KCNAB1: variants seen among roughly 807,000 people sequenced by gnomAD.
KCNAB1 encodes the protein voltage-gated potassium channel subunit beta-1.
KCNAB1 carries 35 observed loss-of-function variants against 64.6 expected under a neutral mutation model. The observed-to-expected ratio is 0.54, with a 90% CI of 0.41 to 0.72. The LOEUF (loss-of-function observed/expected upper bound fraction) is 0.72. Among genes scored for constraint, KCNAB1 ranks in the 30% least tolerant of loss-of-function variants. The probability of loss-of-function intolerance (pLI) is 0.00; values close to 1 mark genes in which losing one functional copy is unlikely to be tolerated. For missense variants in KCNAB1, 401 were observed against 512.9 expected (o/e 0.78, Z 2.11); for synonymous variants, 177 against 183.8 (o/e 0.96, Z 0.30).
chr3:156,368,307 C>T (rs1726078432), intron 1 of KCNAB1, among the ~76,000 whole-genome samples: 1 of 152,158 alleles, frequency 6.6e-6, no homozygotes. Flanking sequence ...GTTCTCTGTG[C>T]CCCCAAAATC....
intron 8 of KCNAB1, among the ~76,000 whole-genome samples, chr3:156,483,512 T>A (rs1469493936): frequency 1.3e-5 from 2 of 152,142 alleles, no homozygotes; most frequent in Non-Finnish European, 2.9e-5. Context: ...ACTTTGTTGA[T>A]GGCCACTATG....
intron 12 of KCNAB1, among the ~76,000 whole-genome samples, chr3:156,528,643 AAAGGGG>A (rs1177966942): frequency 6.6e-6 from 1 of 152,190 alleles, no homozygotes; most frequent in African/African-American, 2.4e-5. Flanking sequence ...AGGCAAAAAG[AAAGGGG>A]AAGGCAAAAG....
intron 1 of KCNAB1, among the ~76,000 whole-genome samples, chr3:156,305,869 G>A (rs1032874945): frequency 1.3e-5 from 2 of 152,212 alleles, no homozygotes; most frequent in African/African-American, 4.8e-5. Flanking sequence ...AGAAAGTGGA[G>A]CTGTGTGTGG....
chr3:156,123,417 T>A (rs996853082), intron 1 of KCNAB1, among the ~76,000 whole-genome samples: 4 of 152,268 alleles, frequency 2.6e-5, no homozygotes, highest in African/African-American at 4.8e-5. Flanking sequence ...GATTGCTTTA[T>A]GTCCATATTC....
intron 1 of KCNAB1, among the ~76,000 whole-genome samples, chr3:156,345,044 A>G (rs1412294148): frequency 2.0e-5 from 3 of 152,200 alleles, no homozygotes; most frequent in Non-Finnish European, 4.4e-5. Context: ...TAAGTAGCAT[A>G]ATTTGTTTTA....
At chr3:156,273,595 G>T (rs919467295) in intron 1 of KCNAB1, 1 of 456,528 alleles carries the variant, frequency 2.2e-6, no homozygotes, top group Admixed American at 2.3e-5. Context: ...CTGTGGGGTG[G>T]GAGAAGGGTG....
chr3:156,156,148 G>A (rs1027237028), intron 1 of KCNAB1, among the ~76,000 whole-genome samples: 1 of 152,134 alleles, frequency 6.6e-6, no homozygotes, highest in African/African-American at 2.4e-5. Flanking sequence ...TAGGGCCTTA[G>A]GCCCCCAGAT....
intron 1 of KCNAB1, among the ~76,000 whole-genome samples, chr3:156,347,811 G>A (rs1333708437): frequency 1.3e-5 from 2 of 152,098 alleles, no homozygotes; most frequent in African/African-American, 4.8e-5. Context: ...AACTAATTTG[G>A]TACTTCTGTG....
chr3:156,272,853 C>T (rs948169780), intron 1 of KCNAB1, among the ~76,000 whole-genome samples: 2 of 152,066 alleles, frequency 1.3e-5, no homozygotes, highest in African/African-American at 4.8e-5. Flanking sequence ...GAGTCTTAAC[C>T]AAGCCCATGG....
At chr3:156,154,410 T>C (rs1715598202) in intron 1 of KCNAB1, among the ~76,000 whole-genome samples, 1 of 152,024 alleles carries the variant, frequency 6.6e-6, no homozygotes, top group South Asian at 2.1e-4. Flanking sequence ...ACAGGAGGGG[T>C]CATCATCTCA....
intron 1 of KCNAB1, among the ~76,000 whole-genome samples, chr3:156,317,919 AG>A (rs146113131): frequency 0.02 from 3,014 of 152,294 alleles, 101 homozygotes; most frequent in African/African-American, 0.069. Flanking sequence ...CTTCCATTAA[AG>A]CAATATGCTA....
rs185912460 is a variant in KCNAB1, at chr3:156,222,316, C to G, written c.275+101430C>G. Among the ~76,000 whole-genome samples the G allele has an allele frequency of 5.9e-5, 9 of 152,224 alleles. No individual in the cohort carries two copies. The East Asian group carries it at 1.7e-3, about 29-fold the overall frequency. On this transcript the variant is annotated intron_variant, in intron 1 of 13. Transcript: ENST00000490337. Reference sequence around the variant, plus strand: ...GACAAAACAAACTTTAAAGCAACATCAGTTAAAAAAGACAAAGAACACTAT... The same window carrying G: ...GACAAAACAAACTTTAAAGCAACATGAGTTAAAAAAGACAAAGAACACTAT...
At chr3:156,143,581 T>TTTTTTTTTTTTTTG (rs1714856775) in intron 1 of KCNAB1, among the ~76,000 whole-genome samples, 1 of 143,108 alleles carries the variant, frequency 7.0e-6, no homozygotes, top group Admixed American at 6.9e-5. Flanking sequence ...TTTTTTTTTT[T>TTTTTTTTTTTTTTG]TTTTTTTTTT....
intron 1 of KCNAB1, among the ~76,000 whole-genome samples, chr3:156,319,289 C>T (rs973166657): frequency 2.0e-5 from 3 of 152,160 alleles, no homozygotes; most frequent in Non-Finnish European, 2.9e-5. Flanking sequence ...CAGCTTTAAG[C>T]ACAAGGTTTA....
In KCNAB1 at chr3:156,452,643, A is replaced by G. The variant is rs529891102; in HGVS notation, c.320-256A>G. 4.6e-5 allele frequency among the ~76,000 whole-genome samples: 7 copies of G among 152,304 alleles called. No homozygotes were observed. The highest frequency in any genetic ancestry group is 8.8e-5 in the Non-Finnish European group (6 of 68,026). The stretch of plus-strand genomic sequence containing the variant: ...AGCATCTTCTAGGACAGGGCTTCCA[A>G]TAGTATGTACAGTGGCTTTCAGTAA... On this transcript the variant is annotated intron_variant, in intron 2 of 13. Coordinates refer to ENST00000490337, the MANE Select transcript of KCNAB1 (RefSeq NM_172160.3). This position sits in a 1 kb window ranked among gnomAD's most constrained non-coding sequence, Gnocchi z 4.6.
At chr3:156,492,676 T>TA (rs1010783346) in intron 8 of KCNAB1, among the ~76,000 whole-genome samples, 20 of 151,870 alleles carry the variant, frequency 1.3e-4, no homozygotes, top group Admixed American at 3.3e-4. Context: ...TTTAAGCCAC[T>TA]AAAAAAATGA....
At chr3:156,153,126 C>A (rs544607020) in intron 1 of KCNAB1, among the ~76,000 whole-genome samples, 4 of 152,190 alleles carry the variant, frequency 2.6e-5, no homozygotes, top group Non-Finnish European at 5.9e-5. Flanking sequence ...AGGAGTCTAA[C>A]AAATAAACCT....
intron 1 of KCNAB1, among the ~76,000 whole-genome samples, chr3:156,246,796 C>G: frequency 6.6e-6 from 1 of 152,112 alleles, no homozygotes; most frequent in South Asian, 2.1e-4. Context: ...GTGGTTTCAT[C>G]TGCTGTATTT....
At chr3:156,153,710 C>T (rs1715551657) in intron 1 of KCNAB1, among the ~76,000 whole-genome samples, 1 of 152,226 alleles carries the variant, frequency 6.6e-6, no homozygotes, top group African/African-American at 2.4e-5. Flanking sequence ...CGGTCTATTT[C>T]TGCTTTCAGA....
Sources: gnomAD v4.1 joint callset for allele counts (sites outside exome capture counted in the v4.1 genomes callset) on GRCh38, gnomAD v4.1.1 for gene constraint, Gnocchi (gnomAD v3.1) non-coding constraint, MANE v1.5 for transcripts, NCBI Gene and HGNC (gene_info 2026-07-23, HGNC 2026-07-21) for gene names.